MAP3K7CL: variants seen among roughly 807,000 people sequenced by gnomAD.
MAP3K7CL encodes the protein MAP3K7 C-terminal like, also known as MAP3K7 C-terminal-like protein.
MAP3K7CL carries 16 observed loss-of-function variants against 18.6 expected under a neutral mutation model. That is an observed-to-expected ratio of 0.86 (90% CI 0.58 to 1.31). The LOEUF is 1.31. Ranked by LOEUF, MAP3K7CL falls within the 50% of genes most tolerant of loss-of-function variation. The pLI, the probability that MAP3K7CL is intolerant of heterozygous loss-of-function variation, is 0.00. For synonymous variants in MAP3K7CL, 65 were observed against 66.8 expected, an observed-to-expected ratio of 0.97 and a Z score of 0.13; for missense variants, 163 against 174.4, an observed-to-expected ratio of 0.93 and a Z score of 0.37.
chr21:29,077,995 T>TTTTTTCACTAGTTGTTTCACTAG (rs2085777008), intron 1 of MAP3K7CL, among the ~76,000 whole-genome samples: 1 of 152,362 alleles, frequency 6.6e-6, no homozygotes, highest in South Asian at 2.1e-4. Context: ...TTCTAGTTAC[T>TTTTTTCACTAGTTGTTTCACTAG]TTGTTTCTGT....
intron 4 of MAP3K7CL, among the ~76,000 whole-genome samples, chr21:29,115,646 T>A (rs1480116931): frequency 6.6e-6 from 1 of 152,154 alleles, no homozygotes; most frequent in Non-Finnish European, 1.5e-5. Flanking sequence ...TCTTGCCTCA[T>A]AGGTAGGACT....
chr21:29,100,525 G>A (rs2086208468), intron 4 of MAP3K7CL, among the ~76,000 whole-genome samples: 1 of 151,992 alleles, frequency 6.6e-6, no homozygotes, highest in South Asian at 2.1e-4. Flanking sequence ...TTTTGAGTTT[G>A]GGAAAGTCAT....
At chr21:29,116,312 C>A (rs1338348763) in intron 4 of MAP3K7CL, among the ~76,000 whole-genome samples, 2 of 152,152 alleles carry the variant, frequency 1.3e-5, no homozygotes, top group Non-Finnish European at 2.9e-5. Context: ...GGTAGCAACA[C>A]GTGAAGAAAA....
At chr21:29,106,948 G>A (rs1377081691) in intron 4 of MAP3K7CL, among the ~76,000 whole-genome samples, 2 of 152,210 alleles carry the variant, frequency 1.3e-5, no homozygotes, top group African/African-American at 4.8e-5. Flanking sequence ...AAGAAAGAAG[G>A]CAGGCCTGTG....
At chr21:29,172,842 CT>C (rs1458239278) in intron 4 of MAP3K7CL, among the ~76,000 whole-genome samples, 67 of 126,812 alleles carry the variant, frequency 5.3e-4, no homozygotes, top group African/African-American at 1.6e-3. Flanking sequence ...CAACCCCCCC[CT>C]CCCCCCGCCC....
chr21:29,079,506 A>G (rs186907668), intron 1 of MAP3K7CL, among the ~76,000 whole-genome samples: 159 of 152,338 alleles, frequency 1.0e-3, no homozygotes, highest in Middle Eastern at 3.4e-3. Context: ...TTCATATTCA[A>G]ACATCCCAAG....
chr21:29,147,654 G>C (rs1316913717), intron 2 of MAP3K7CL, among the ~76,000 whole-genome samples: 1 of 151,036 alleles, frequency 6.6e-6, no homozygotes. Context: ...TGTGTGTACT[G>C]TATATGTATC....
intron 4 of MAP3K7CL, among the ~76,000 whole-genome samples, chr21:29,117,063 T>C (rs1319143884): frequency 6.6e-6 from 1 of 152,182 alleles, no homozygotes; most frequent in Non-Finnish European, 1.5e-5. Context: ...CATACTCTTA[T>C]TTCAAACACA....
At chr21:29,173,679 A>G (rs2832233) in intron 4 of MAP3K7CL, among the ~76,000 whole-genome samples, 14,395 of 152,242 alleles carry the variant, frequency 0.095, 717 homozygotes, top group South Asian at 0.15. Context: ...AAATCTACAC[A>G]TGGACTGAAG....
Position 29,092,373 on chromosome 21 carries a change from A to G in MAP3K7CL, c.228-66A>G. The G allele has an allele frequency of 4.4e-6, 7 of 1,578,408 alleles. No individual in the cohort carries two copies. The South Asian group carries it at 7.8e-5, about 18-fold the overall frequency. ...CTTCTCAGGGAAAAAAAGAACTGACATCAAAAGGTCTGTGCGGGGTCATTT... is the reference window on the plus strand; with the variant it reads ...CTTCTCAGGGAAAAAAAGAACTGACGTCAAAAGGTCTGTGCGGGGTCATTT... On this transcript the variant is annotated intron_variant, in intron 3 of 6. Transcript: ENST00000286791.
Position 29,150,910 on chromosome 21 carries a change from C to T in MAP3K7CL, c.132+1660C>T, listed in dbSNP as rs145342102. On this transcript the variant is annotated intron_variant, in intron 3 of 4. Transcript: ENST00000399928. ...TCAGCCTCCCTAGTAGCTGGAATTA[C>T]AGGCATGTGCCACCACGCCCGGATA... is the stretch of plus-strand genomic sequence containing the variant. Among the ~76,000 whole-genome samples, 29 of 151,808 alleles carry T rather than the reference C, an allele frequency of 1.9e-4. No individual in the cohort carries two copies. In the East Asian group the frequency reaches 5.1e-3, roughly 27 times the overall value.
intron 2 of MAP3K7CL, among the ~76,000 whole-genome samples, chr21:29,138,105 A>G (rs1009064181): frequency 1.3e-5 from 2 of 152,196 alleles, no homozygotes; most frequent in Non-Finnish European, 2.9e-5. Context: ...ATGAGCTGTA[A>G]GACTTTGAAT....
At chr21:29,101,015 C>CTT (rs756025622) in intron 4 of MAP3K7CL, among the ~76,000 whole-genome samples, 5 of 140,860 alleles carry the variant, frequency 3.5e-5, no homozygotes, top group Non-Finnish European at 3.1e-5. Flanking sequence ...CCCGGTCCCT[C>CTT]TTTTTTTTTT....
chr21:29,107,017 T>C (rs979466055), intron 4 of MAP3K7CL, among the ~76,000 whole-genome samples: 2 of 152,054 alleles, frequency 1.3e-5, no homozygotes, highest in Non-Finnish European at 2.9e-5. Flanking sequence ...AAGTCTGGGG[T>C]GTATTAAAGT....
At chr21:29,080,000 C>T (rs768705141) in intron 1 of MAP3K7CL, among the ~76,000 whole-genome samples, 4 of 152,030 alleles carry the variant, frequency 2.6e-5, no homozygotes, top group Non-Finnish European at 4.4e-5. Flanking sequence ...TTAATGGGAA[C>T]GAGAAGGGTG....
At chr21:29,104,945 C>T (rs1030273326) in intron 4 of MAP3K7CL, among the ~76,000 whole-genome samples, 16 of 152,176 alleles carry the variant, frequency 1.1e-4, no homozygotes, top group African/African-American at 3.4e-4. Flanking sequence ...CACCAGCTCT[C>T]CTGGAGAAAC....
chr21:29,099,269 T>TTTTTTTTTTTTTTTTTG, intron 4 of MAP3K7CL, among the ~76,000 whole-genome samples: 1 of 144,750 alleles, frequency 6.9e-6, no homozygotes. Flanking sequence ...TGATTTTTTT[T>TTTTTTTTTTTTTTTTTG]TTTTTTTTTT....
intron 4 of MAP3K7CL, among the ~76,000 whole-genome samples, chr21:29,162,217 A>T (rs2146732418): frequency 6.6e-6 from 1 of 152,168 alleles, no homozygotes; most frequent in East Asian, 1.9e-4. Context: ...TGGTGGTATG[A>T]TAGAAAAATC....
At chr21:29,158,390 TG>T (rs1216956856) in intron 3 of MAP3K7CL, among the ~76,000 whole-genome samples, 1 of 152,216 alleles carries the variant, frequency 6.6e-6, no homozygotes, top group Non-Finnish European at 1.5e-5. Flanking sequence ...ATGCTGTGAA[TG>T]TGTTCATGGG....
Sources: gnomAD v4.1 joint callset for allele counts (sites outside exome capture counted in the v4.1 genomes callset) on GRCh38, gnomAD v4.1.1 for gene constraint, MANE v1.5 for transcripts, NCBI Gene and HGNC (gene_info 2026-07-23, HGNC 2026-07-21) for gene names.